Variants in OPCML observed in about 807,000 individuals in gnomAD.
OPCML encodes opioid binding protein/cell adhesion molecule like.
A neutral mutation model predicts 37.8 loss-of-function variants in OPCML; 13 were observed. The observed-to-expected ratio is 0.34, with a 90% CI of 0.22 to 0.55. The LOEUF (loss-of-function observed/expected upper bound fraction) is 0.55. OPCML is among the 20% of genes least tolerant of loss of function. The pLI is 0.91. For synonymous variants in OPCML, 176 were observed against 168.8 expected (o/e 1.04, Z -0.33); for missense variants, 341 against 435.6 (o/e 0.78, Z 1.93).
chr11:133,141,027 C>CGAAGACGAAGAA (rs1196961036), intron 1 of OPCML, among the ~76,000 whole-genome samples: 1 of 7,450 alleles, frequency 1.3e-4, no homozygotes, highest in African/African-American at 2.8e-4. Context: ...ACGACGACGA[C>CGAAGACGAAGAA]GACGACGACG....
At chr11:133,338,674 G>T (rs554372352) in intron 1 of OPCML, among the ~76,000 whole-genome samples, 2 of 152,312 alleles carry the variant, frequency 1.3e-5, no homozygotes, top group Admixed American at 6.5e-5. Context: ...AGCTCAAAAA[G>T]GTGCCTCATT....
chr11:133,031,120 A>G (rs1219241748), intron 1 of OPCML, among the ~76,000 whole-genome samples: 1 of 152,188 alleles, frequency 6.6e-6, no homozygotes, highest in African/African-American at 2.4e-5. Context: ...TAAGTCTGGC[A>G]TTTAGTGTGT....
chr11:133,486,847 CTCTCT>C (rs1947537226), intron 1 of OPCML, among the ~76,000 whole-genome samples: 1 of 125,714 alleles, frequency 8.0e-6, no homozygotes, highest in Admixed American at 8.0e-5. Context: ...TCCCCCCCTT[CTCTCT>C]TCTCTCTCTC....
chr11:133,225,693 T>A (rs964926788), intron 1 of OPCML, among the ~76,000 whole-genome samples: 1 of 152,166 alleles, frequency 6.6e-6, no homozygotes, highest in African/African-American at 2.4e-5. Context: ...CCAGGACTTA[T>A]CCGCACTCAG....
intron 2 of OPCML, among the ~76,000 whole-genome samples, chr11:132,913,637 G>T (rs762151594): frequency 6.6e-6 from 1 of 152,102 alleles, no homozygotes; most frequent in African/African-American, 2.4e-5. Flanking sequence ...GGCCTCCAAA[G>T]GTTGCACAGC....
chr11:132,523,982 G>C (rs930558400), intron 4 of OPCML, among the ~76,000 whole-genome samples: 2 of 152,192 alleles, frequency 1.3e-5, no homozygotes, highest in Admixed American at 1.3e-4. Context: ...GTGGAGGGGA[G>C]ACAGGAAGGA....
intron 1 of OPCML, among the ~76,000 whole-genome samples, chr11:133,043,024 G>A (rs368251281): frequency 4.6e-5 from 7 of 152,094 alleles, no homozygotes; most frequent in South Asian, 2.1e-4. Flanking sequence ...TCTCAGAGGC[G>A]ACACTTTCCC....
At chr11:132,751,403 T>C (rs1302435991) in intron 2 of OPCML, among the ~76,000 whole-genome samples, 2 of 152,174 alleles carry the variant, frequency 1.3e-5, no homozygotes, top group African/African-American at 4.8e-5. Context: ...AGAAACTTGA[T>C]TATAAGTGCT....
intron 2 of OPCML, among the ~76,000 whole-genome samples, chr11:132,839,761 G>C (rs1253398234): frequency 6.6e-6 from 1 of 152,154 alleles, no homozygotes; most frequent in African/African-American, 2.4e-5. Flanking sequence ...ATGCAAATAT[G>C]GTTGCTTTTT....
intron 2 of OPCML, among the ~76,000 whole-genome samples, chr11:132,667,245 G>A (rs1006099404): frequency 3.3e-5 from 5 of 152,146 alleles, no homozygotes; most frequent in African/African-American, 4.8e-5. Context: ...AATTCATTTT[G>A]CAAATATTTA....
intron 1 of OPCML, among the ~76,000 whole-genome samples, chr11:133,501,259 G>T (rs957626435): frequency 1.4e-4 from 22 of 152,234 alleles, no homozygotes; most frequent in African/African-American, 4.8e-4. Context: ...CAGGGATGAC[G>T]TTCCCCTTCA....
chr11:133,363,464 G>A (rs1944467439), intron 1 of OPCML, among the ~76,000 whole-genome samples: 2 of 152,148 alleles, frequency 1.3e-5, no homozygotes, highest in South Asian at 4.1e-4. Context: ...CCAGCAAAAG[G>A]CACACGGATT....
At chr11:133,080,659 T>C (rs1234791579) in intron 1 of OPCML, among the ~76,000 whole-genome samples, 3 of 152,062 alleles carry the variant, frequency 2.0e-5, no homozygotes, top group Admixed American at 2.0e-4. Flanking sequence ...CCAAACCCAC[T>C]GTGCCCGTTT....
At chr11:133,238,564 C>T (rs1055379252) in intron 1 of OPCML, among the ~76,000 whole-genome samples, 2 of 152,192 alleles carry the variant, frequency 1.3e-5, no homozygotes, top group Non-Finnish European at 1.5e-5. Flanking sequence ...CTTCTGCTGA[C>T]AGCGTTGGCT....
chr11:132,708,244 C>T (rs116504481), intron 2 of OPCML, among the ~76,000 whole-genome samples: 1 of 152,304 alleles, frequency 6.6e-6, no homozygotes, highest in African/African-American at 2.4e-5. Flanking sequence ...AGTTATGTAA[C>T]TATAACTCTA....
chr11:133,330,230 T>C (rs1443267017), intron 1 of OPCML, among the ~76,000 whole-genome samples: 1 of 152,204 alleles, frequency 6.6e-6, no homozygotes, highest in Non-Finnish European at 1.5e-5. Context: ...ACTTTTACAC[T>C]GTTGGTGGGA....
intron 2 of OPCML, among the ~76,000 whole-genome samples, chr11:132,834,049 A>C (rs1591673948): frequency 1.3e-5 from 2 of 152,206 alleles, no homozygotes; most frequent in African/African-American, 4.8e-5. Flanking sequence ...TATGAGACTT[A>C]ATGAATTGTT....
At position 133,419,214 on chromosome 11, in the gene OPCML, C is replaced by A. The variant is rs1488387030; in HGVS notation, c.61+113050G>T. On this transcript the variant is annotated intron_variant, in intron 1 of 7. Coordinates refer to ENST00000524381, the MANE Select transcript of OPCML (RefSeq NM_001012393.5). ...TTTTTCTGTGCAACGGGCCAGGAGA[C>A]CCTGTGAGGTAATTACAGTCATAGT... The A allele has an allele frequency of 4.1e-6, 4 of 984,142 alleles. No homozygotes were observed. In the African/African-American group the frequency reaches 5.2e-5, roughly 13 times the overall value. The allele number at this position is 984,142 out of a possible 1,614,324, so 61.0% of individuals were successfully genotyped here.
At chr11:132,809,703 T>C (rs1434142202) in intron 2 of OPCML, among the ~76,000 whole-genome samples, 2 of 152,124 alleles carry the variant, frequency 1.3e-5, no homozygotes, top group African/African-American at 4.8e-5. Flanking sequence ...TGATTTATGT[T>C]AAATTCTATG....
Sources: gnomAD v4.1 joint callset for allele counts (sites outside exome capture counted in the v4.1 genomes callset) on GRCh38, gnomAD v4.1.1 for gene constraint, MANE v1.5 for transcripts, NCBI Gene and HGNC (gene_info 2026-07-23, HGNC 2026-07-21) for gene names.